PXDNL: variants seen among roughly 807,000 people sequenced by gnomAD.
PXDNL encodes the protein probable oxidoreductase PXDNL.
A neutral mutation model predicts 150.8 loss-of-function variants in PXDNL; 145 were observed. That is an observed-to-expected ratio of 0.96 (90% CI 0.84 to 1.10). The LOEUF (loss-of-function observed/expected upper bound fraction) is 1.10. Ranked by LOEUF, PXDNL falls within the 50% of genes least tolerant of loss-of-function variation. The probability of loss-of-function intolerance (pLI) is 0.00; values close to 1 mark genes in which losing one functional copy is unlikely to be tolerated. For synonymous variants in PXDNL, 757 were observed against 725.7 expected (o/e 1.04, Z -0.69); for missense variants, 2,087 against 1,873.9 (o/e 1.11, Z -2.10).
At chr8:51,722,471 G>A (rs1441002759) in intron 1 of PXDNL, among the ~76,000 whole-genome samples, 2 of 152,226 alleles carry the variant, frequency 1.3e-5, no homozygotes, top group Non-Finnish European at 2.9e-5. Context: ...AACCAACTCA[G>A]TGCCCTCTTG....
At chr8:51,499,240 A>G (rs927437205) in intron 5 of PXDNL, among the ~76,000 whole-genome samples, 2 of 152,054 alleles carry the variant, frequency 1.3e-5, no homozygotes, top group Admixed American at 6.6e-5. Context: ...AGTGATTCTC[A>G]TGCCTCAGCC....
chr8:51,585,646 C>A (rs190604738), intron 3 of PXDNL, among the ~76,000 whole-genome samples: 2 of 152,204 alleles, frequency 1.3e-5, no homozygotes, highest in East Asian at 3.9e-4. Flanking sequence ...TAAGTAAGAG[C>A]TAACTACACG....
At chr8:51,471,448 A>C (rs1810330840) in intron 8 of PXDNL, among the ~76,000 whole-genome samples, 1 of 152,208 alleles carries the variant, frequency 6.6e-6, no homozygotes, top group Non-Finnish European at 1.5e-5. Flanking sequence ...ATAATTTTGC[A>C]TGTCATTTTT....
chr8:51,637,119 G>A (rs959151181), intron 2 of PXDNL, among the ~76,000 whole-genome samples: 4 of 152,172 alleles, frequency 2.6e-5, no homozygotes, highest in South Asian at 2.1e-4. Context: ...CAACAGACCT[G>A]CAGCTGAGGG....
chr8:51,530,901 T>C (rs1172754343), intron 4 of PXDNL, among the ~76,000 whole-genome samples: 2 of 150,602 alleles, frequency 1.3e-5, no homozygotes. Flanking sequence ...GCCAGTACTT[T>C]GTTTTTTATT....
intron 5 of PXDNL, among the ~76,000 whole-genome samples, chr8:51,495,755 C>T (rs1476884643): frequency 1.3e-5 from 2 of 152,050 alleles, no homozygotes; most frequent in South Asian, 2.1e-4. Flanking sequence ...CTGAATAGAC[C>T]AATAACAGGC....
chr8:51,356,076 A>G (rs535180854), intron 19 of PXDNL, among the ~76,000 whole-genome samples: 1 of 152,366 alleles, frequency 6.6e-6, no homozygotes, highest in South Asian at 2.1e-4. Context: ...GCTAATAAAT[A>G]ACTGAGAGCA....
intron 5 of PXDNL, among the ~76,000 whole-genome samples, chr8:51,485,295 G>A (rs777499689): frequency 7.9e-5 from 12 of 152,068 alleles, no homozygotes; most frequent in African/African-American, 2.2e-4. Context: ...TATCTTTACC[G>A]GCCCCATCTA....
At chr8:51,700,593 C>G (rs1009478398) in intron 1 of PXDNL, among the ~76,000 whole-genome samples, 16 of 116,362 alleles carry the variant, frequency 1.4e-4, no homozygotes, top group Middle Eastern at 4.7e-3. Context: ...CACACATATA[C>G]ACACATACAG....
At chr8:51,325,716 C>CA (rs1294282158) in intron 21 of PXDNL, among the ~76,000 whole-genome samples, 1 of 152,130 alleles carries the variant, frequency 6.6e-6, no homozygotes, top group African/African-American at 2.4e-5. Flanking sequence ...CTTATGACCC[C>CA]AAGTTTTTGC....
In PXDNL at chr8:51,578,104, A is replaced by G. The variant is rs748713538; in HGVS notation, c.308+14523T>C. Among the ~76,000 whole-genome samples, 1,050 of 119,198 alleles carry G rather than the reference A, an allele frequency of 8.8e-3. 73 individuals are homozygous for G. The highest frequency in any genetic ancestry group is 0.024 in the African/African-American group (776 of 31,922). 78.2% of individuals were successfully genotyped at this position (119,198 alleles called of 152,430 possible). A position where few individuals can be genotyped will look rare whatever the true frequency, so the allele number is the denominator to read the frequency against. ...AGAAAAAGAGAAAGAAAGAAAGAAA[A>G]AGAAAGAAAGAAAGAAGGAAAGAAA... is the stretch of plus-strand genomic sequence containing the variant. On this transcript the variant is annotated intron_variant, in intron 3 of 22. Transcript: ENST00000356297.
chr8:51,383,812 T>C (rs1022808135), intron 17 of PXDNL, among the ~76,000 whole-genome samples: 1 of 152,170 alleles, frequency 6.6e-6, no homozygotes, highest in Non-Finnish European at 1.5e-5. Flanking sequence ...TGTCAAGCCA[T>C]ATCTAATTTC....
chr8:51,551,853 C>T (rs1812493851), intron 4 of PXDNL, among the ~76,000 whole-genome samples: 1 of 152,164 alleles, frequency 6.6e-6, no homozygotes, highest in Non-Finnish European at 1.5e-5. Context: ...AAAGCCTCTG[C>T]CCTGCAAAAG....
In PXDNL at chr8:51,426,781, C is replaced by A. The variant is rs76685226; in HGVS notation, c.1526-23G>T. 1.4e-4 allele frequency: 186 copies of A among 1,319,848 alleles called. 1 individual carries two copies. The African/African-American group carries it at 2.4e-3, about 17-fold the overall frequency. The allele number at this position is 1,319,848 out of a possible 1,614,324, so 81.8% of individuals were successfully genotyped here. The stretch of plus-strand genomic sequence containing the variant: ...GAGCTGTGGAAACAAACCAAAATAA[C>A]ATCATGTCAAATAATATCATTTTTG... On this transcript the variant is annotated intron_variant, in intron 12 of 22. Coordinates refer to ENST00000356297, the MANE Select transcript of PXDNL (RefSeq NM_144651.5).
At chr8:51,405,213 G>C (rs994657072) in intron 17 of PXDNL, among the ~76,000 whole-genome samples, 1 of 152,200 alleles carries the variant, frequency 6.6e-6, no homozygotes, top group Non-Finnish European at 1.5e-5. Flanking sequence ...GGCCAGCCCA[G>C]AAAGGGGCTC....
intron 2 of PXDNL, among the ~76,000 whole-genome samples, chr8:51,606,273 C>G (rs578166743): frequency 6.6e-6 from 1 of 152,120 alleles, no homozygotes; most frequent in Admixed American, 6.5e-5. Context: ...AATTTTTTGT[C>G]TGTTTTGGCT....
intron 2 of PXDNL, among the ~76,000 whole-genome samples, chr8:51,654,017 G>A (rs1815097904): frequency 6.6e-6 from 1 of 152,146 alleles, no homozygotes; most frequent in Admixed American, 6.5e-5. Context: ...TTACAGTTGG[G>A]TGTTGGCTAC....
At position 51,527,038 on chromosome 8, in the gene PXDNL, C is replaced by T. The variant is rs192275615; in HGVS notation, c.381-27268G>A. 9.2e-5 allele frequency among the ~76,000 whole-genome samples: 14 copies of T among 152,328 alleles called. No individual in the cohort carries two copies. The East Asian group carries it at 2.7e-3, about 29-fold the overall frequency. ...TCTACCTTCTTCATATACCTCTTTC[C>T]CTTCCCCACTGCAAGGGTCTTCAAT... On this transcript the variant is annotated intron_variant, in intron 4 of 22. Coordinates refer to ENST00000356297, the MANE Select transcript of PXDNL (RefSeq NM_144651.5).
chr8:51,474,585 A>T (rs1464203190), intron 7 of PXDNL, among the ~76,000 whole-genome samples: 1 of 152,190 alleles, frequency 6.6e-6, no homozygotes, highest in Non-Finnish European at 1.5e-5. Context: ...GAATATTAGC[A>T]ATTATTTGAT....
Sources: gnomAD v4.1 joint callset for allele counts (sites outside exome capture counted in the v4.1 genomes callset) on GRCh38, gnomAD v4.1.1 for gene constraint, MANE v1.5 for transcripts, NCBI Gene and HGNC (gene_info 2026-07-23, HGNC 2026-07-21) for gene names.